Variants in HYCC1 observed in about 807,000 individuals in gnomAD.
The protein encoded by HYCC1 is hyccin PI4KA lipid kinase complex subunit 1, also known as hyccin.
At chr7:22,921,082 A>G in the HYCC1 span, among the ~76,000 whole-genome samples, 1 of 152,198 alleles carries the variant, frequency 6.6e-6, no homozygotes, top group Non-Finnish European at 1.5e-5. Flanking sequence ...CAGAACTGTG[A>G]GCCAATTAAA....
the HYCC1 span, among the ~76,000 whole-genome samples, chr7:22,964,003 T>C: frequency 1.3e-5 from 2 of 151,882 alleles, no homozygotes; most frequent in Non-Finnish European, 1.5e-5. Context: ...AAGCTAATAA[T>C]AAACTATTTC....
chr7:22,902,010 C>G, the HYCC1 span, among the ~76,000 whole-genome samples: 1 of 152,032 alleles, frequency 6.6e-6, no homozygotes, highest in East Asian at 1.9e-4. Context: ...TTCACCAAGA[C>G]AGACCATATG....
the HYCC1 span, among the ~76,000 whole-genome samples, chr7:22,926,007 A>G: frequency 9.2e-5 from 14 of 152,222 alleles, no homozygotes; most frequent in Admixed American, 9.2e-4. Context: ...TACAAGCCAC[A>G]AAAGAGTGGA....
chr7:22,969,609 C>A, the HYCC1 span, among the ~76,000 whole-genome samples: 1 of 151,866 alleles, frequency 6.6e-6, no homozygotes, highest in East Asian at 1.9e-4. Context: ...TTGCAACCTC[C>A]ACATCCCGGG....
chr7:22,964,768 C>A, the HYCC1 span, among the ~76,000 whole-genome samples: 1 of 152,244 alleles, frequency 6.6e-6, no homozygotes, highest in East Asian at 1.9e-4. Context: ...ACCAGATTCA[C>A]TTACTGGTTA....
the HYCC1 span, among the ~76,000 whole-genome samples, chr7:22,986,851 A>AAAC: frequency 1.4e-3 from 208 of 152,228 alleles, no homozygotes; most frequent in African/African-American, 4.6e-3. Flanking sequence ...CTGTCTCAAA[A>AAAC]AACAACAACA....
At chr7:22,962,920 G>T in the HYCC1 span, among the ~76,000 whole-genome samples, 2 of 152,074 alleles carry the variant, frequency 1.3e-5, no homozygotes, top group African/African-American at 2.4e-5. Context: ...CGAAGCAGGA[G>T]TATTAAGAAA....
the HYCC1 span, among the ~76,000 whole-genome samples, chr7:22,933,559 CTTG>C: frequency 6.6e-6 from 1 of 151,880 alleles, no homozygotes; most frequent in Non-Finnish European, 1.5e-5. Flanking sequence ...CTATTTGTGT[CTTG>C]TGTCTTTGAA....
chr7:23,005,040 C>T, the HYCC1 span, among the ~76,000 whole-genome samples: 5 of 152,148 alleles, frequency 3.3e-5, no homozygotes, highest in Non-Finnish European at 7.3e-5. Flanking sequence ...CTCCTGACCT[C>T]GCGATCCGCC....
At chr7:22,934,234 T>TTCC in the HYCC1 span, 1 of 122,436 alleles carries the variant, frequency 8.2e-6, no homozygotes, top group Non-Finnish European at 1.6e-5. Flanking sequence ...TTTTTTTTTT[T>TTCC]CCCTCTCTGA....
chr7:22,907,483 A>C, the HYCC1 span, among the ~76,000 whole-genome samples: 6 of 152,188 alleles, frequency 3.9e-5, no homozygotes, highest in Non-Finnish European at 7.3e-5. Flanking sequence ...CCATTTATTG[A>C]GAACCTTTTA....
At chr7:22,993,187 G>A in the HYCC1 span, among the ~76,000 whole-genome samples, 1 of 152,098 alleles carries the variant, frequency 6.6e-6, no homozygotes, top group Non-Finnish European at 1.5e-5. Flanking sequence ...AGCTACATGG[G>A]GAGGACAAAA....
At chr7:22,964,872 C>A in the HYCC1 span, among the ~76,000 whole-genome samples, 1 of 152,122 alleles carries the variant, frequency 6.6e-6, no homozygotes, top group Non-Finnish European at 1.5e-5. Flanking sequence ...CAGTGGCTCA[C>A]ACCTGTAATC....
At chr7:22,928,136 C>CG in the HYCC1 span, among the ~76,000 whole-genome samples, 1 of 152,054 alleles carries the variant, frequency 6.6e-6, no homozygotes, top group African/African-American at 2.4e-5. Context: ...AATTCAACAA[C>CG]CCTTCATGCT....
At chr7:22,961,837 ATGTG>A in the HYCC1 span, among the ~76,000 whole-genome samples, 1 of 150,972 alleles carries the variant, frequency 6.6e-6, no homozygotes, top group Non-Finnish European at 1.5e-5. Flanking sequence ...GTGTGTGTGC[ATGTG>A]TGTGTGTGTC....
At chr7:22,959,080 C>T in the HYCC1 span, among the ~76,000 whole-genome samples, 1 of 152,148 alleles carries the variant, frequency 6.6e-6, no homozygotes, top group Admixed American at 6.6e-5. Flanking sequence ...ACTGAAGAAG[C>T]TGAAGTATGT....
chr7:22,907,819 G>A, the HYCC1 span, among the ~76,000 whole-genome samples: 1 of 152,216 alleles, frequency 6.6e-6, no homozygotes, highest in African/African-American at 2.4e-5. Context: ...GGCTGAGGCA[G>A]GAGAATCGCT....
chr7:22,946,519 A>C, the HYCC1 span, among the ~76,000 whole-genome samples: 1 of 152,200 alleles, frequency 6.6e-6, no homozygotes, highest in Non-Finnish European at 1.5e-5. Context: ...AAGCAGTATA[A>C]AATCAAAGCT....
At chr7:22,967,059 C>T in the HYCC1 span, among the ~76,000 whole-genome samples, 3 of 151,964 alleles carry the variant, frequency 2.0e-5, no homozygotes, top group Admixed American at 6.6e-5. Context: ...AATAGAGAAC[C>T]GATGGATGAA....
Sources: allele counts gnomAD v4.1 joint callset (sites outside exome capture counted in the v4.1 genomes callset), GRCh38; gene constraint gnomAD v4.1.1; transcripts MANE v1.5; gene names NCBI Gene and HGNC (gene_info 2026-07-23, HGNC 2026-07-21).